Variants in ZBTB46 observed in about 807,000 individuals in gnomAD.
The protein encoded by ZBTB46 is zinc finger and BTB domain-containing protein 46.
ZBTB46 carries 8 observed loss-of-function variants against 44.1 expected under a neutral mutation model. The ratio of observed to expected loss-of-function variants is 0.18; its 90% CI spans 0.11 to 0.33. ZBTB46 has a LOEUF of 0.33. Ranked by LOEUF, ZBTB46 falls within the 10% of genes least tolerant of loss-of-function variation. The probability of loss-of-function intolerance (pLI) is 1.00; values close to 1 mark genes in which losing one functional copy is unlikely to be tolerated. For synonymous variants in ZBTB46, 409 were observed against 382.3 expected (o/e 1.07, Z -0.81); for missense variants, 651 against 847.7 (o/e 0.77, Z 2.88).
chr20:63,753,971 G>A (rs2092195642), intron 3 of ZBTB46, among the ~76,000 whole-genome samples: 1 of 152,210 alleles, frequency 6.6e-6, no homozygotes, highest in Non-Finnish European at 1.5e-5. Context: ...CCTGCAGGGA[G>A]GGTCTACTGA....
At chr20:63,768,077 G>A in intron 3 of ZBTB46, 2 of 985,448 alleles carry the variant, frequency 2.0e-6, no homozygotes, top group Non-Finnish European at 2.4e-6. Context: ...ACTCACCTGG[G>A]ATGTTGTCCA....
At chr20:63,807,823 C>T (rs1601515684) in intron 1 of ZBTB46, among the ~76,000 whole-genome samples, 1 of 152,288 alleles carries the variant, frequency 6.6e-6, no homozygotes, top group East Asian at 1.9e-4. Context: ...GCTCCCCCTC[C>T]GAGCGGGTCT....
At position 63,743,735 on chromosome 20, in the gene ZBTB46, C is replaced by T. The variant is rs1346441197; in HGVS notation, c.*3195G>A. On this transcript the variant is annotated 3_prime_UTR_variant, in exon 5 of 5. Coordinates refer to ENST00000245663, the MANE Select transcript of ZBTB46 (RefSeq NM_001369741.1). ...GCAAGGATGTCTAAGCTAATCCCGT[C>T]ACAGAAAGGAAACGCACAGGCGCCT... The T allele has an allele frequency of 2.6e-5, 4 of 152,414 alleles. No individual in the cohort carries two copies. The highest frequency in any genetic ancestry group is 2.6e-4 in the Admixed American group (4 of 15,282). The allele number at this position is 152,414 out of a possible 1,614,324, so 9.4% of individuals were successfully genotyped here.
chr20:63,756,427 A>G (rs998765736), intron 3 of ZBTB46, among the ~76,000 whole-genome samples: 12 of 152,216 alleles, frequency 7.9e-5, no homozygotes, highest in Non-Finnish European at 1.5e-4. Context: ...ATAATTTTCA[A>G]AAGACTGCAC....
intron 1 of ZBTB46, among the ~76,000 whole-genome samples, chr20:63,807,499 C>A (rs1401713130): frequency 6.6e-6 from 1 of 152,178 alleles, no homozygotes; most frequent in Non-Finnish European, 1.5e-5. Context: ...CGCACGCCAG[C>A]ATACCTGGCT....
chr20:63,752,755 C>T lies in ZBTB46; in HGVS notation c.1329G>A (p.Glu443=), dbSNP rs2092181598. 6.2e-7 allele frequency: 1 copy of T among 1,612,352 alleles called. No individual in the cohort carries two copies. The highest frequency in any genetic ancestry group is 1.7e-5 in the Admixed American group (1 of 59,982). ...CGCAGATCTCGCAGGGGTAGGGCCG[C>T]TCTCCCGTGTGCGAGCGCATGTGTC... The part of the protein sequence containing the change: ...LKRHMRSHTG[E]RPYPCEICGK... The change falls in exon 4 of 5, where the codon GAG becomes GAA. Residue 443 remains glutamate, a synonymous_variant. Coordinates refer to ENST00000245663, the MANE Select transcript of ZBTB46 (RefSeq NM_001369741.1). This position sits in a 1 kb window ranked among gnomAD's most constrained non-coding sequence, Gnocchi z 5.6.
At chr20:63,781,325 G>A (rs1014569044) in intron 2 of ZBTB46, among the ~76,000 whole-genome samples, 1 of 152,164 alleles carries the variant, frequency 6.6e-6, no homozygotes, top group Non-Finnish European at 1.5e-5. Context: ...CAGATGTGGA[G>A]CAGGTGCCCG....
At chr20:63,775,251 C>A in intron 3 of ZBTB46, 1 of 168,414 alleles carries the variant, frequency 5.9e-6, no homozygotes, top group Non-Finnish European at 1.3e-5. Flanking sequence ...GCAATCGGCT[C>A]GCAGCGGCCG....
chr20:63,759,857 GA>G, intron 3 of ZBTB46, among the ~76,000 whole-genome samples: 2 of 152,206 alleles, frequency 1.3e-5, no homozygotes, highest in South Asian at 4.2e-4. Flanking sequence ...GAAGGCTACT[GA>G]ATTTTATCAA....
chr20:63,813,205 T>C (rs1470069087), intron 1 of ZBTB46, among the ~76,000 whole-genome samples: 1 of 152,020 alleles, frequency 6.6e-6, no homozygotes, highest in Non-Finnish European at 1.5e-5. Flanking sequence ...TCCCAGCACT[T>C]TGGGAGGCTG....
At chr20:63,757,144 A>G (rs1253508306) in intron 3 of ZBTB46, among the ~76,000 whole-genome samples, 1 of 152,010 alleles carries the variant, frequency 6.6e-6, no homozygotes, top group Non-Finnish European at 1.5e-5. Flanking sequence ...TGGGGAGGGG[A>G]ACAGAATCTT....
chr20:63,831,536 G>A (rs1041433294), upstream of ZBTB46, among the ~76,000 whole-genome samples: 73 of 148,156 alleles, frequency 4.9e-4, no homozygotes, highest in Non-Finnish European at 1.0e-3. Flanking sequence ...GCGGAAGTGC[G>A]GGCTGGAGCT....
chr20:63,798,289 C>A (rs2092618204), intron 1 of ZBTB46, among the ~76,000 whole-genome samples: 1 of 151,992 alleles, frequency 6.6e-6, no homozygotes, highest in African/African-American at 2.4e-5. Context: ...TCAGGTTTGT[C>A]AAAGATCAGA....
At chr20:63,820,021 A>G (rs913000604) in intron 1 of ZBTB46, among the ~76,000 whole-genome samples, 1 of 152,238 alleles carries the variant, frequency 6.6e-6, no homozygotes, top group African/African-American at 2.4e-5. Flanking sequence ...AAAACATGCA[A>G]ACTCCCAGTG....
intron 1 of ZBTB46, chr20:63,791,025 G>A (rs767589375): frequency 3.1e-5 from 15 of 481,724 alleles, no homozygotes; most frequent in East Asian, 7.3e-5. Flanking sequence ...ACGTGTTTCC[G>A]TGCTCGAGGC....
chr20:63,769,311 C>T, intron 3 of ZBTB46: 3 of 985,426 alleles, frequency 3.0e-6, no homozygotes, highest in Non-Finnish European at 3.6e-6. Flanking sequence ...CAGAGCTCAT[C>T]CTGTGGCTCT....
intron 3 of ZBTB46, 65 bp downstream of exon 3, chr20:63,775,613 G>A (rs1376049014): frequency 2.7e-6 from 4 of 1,504,848 alleles, no homozygotes; most frequent in East Asian, 4.6e-5. Context: ...TCTTGGCCCG[G>A]GACCTGCAAC....
At chr20:63,769,145 G>A (rs993548895) in intron 3 of ZBTB46, 10 of 977,294 alleles carry the variant, frequency 1.0e-5, no homozygotes, top group East Asian at 1.1e-4. Context: ...GGAGGTGCCC[G>A]GGCTCATCTG....
At chr20:63,778,349 C>A (rs553990633) in intron 2 of ZBTB46, among the ~76,000 whole-genome samples, 43 of 152,304 alleles carry the variant, frequency 2.8e-4, no homozygotes, top group Non-Finnish European at 2.6e-4. Flanking sequence ...TATCAAAACA[C>A]CCCCAGAACA....
Sources: allele counts gnomAD v4.1 joint callset (sites outside exome capture counted in the v4.1 genomes callset), GRCh38; gene constraint gnomAD v4.1.1; non-coding constraint Gnocchi (gnomAD v3.1); transcripts MANE v1.5; gene names NCBI Gene and HGNC (gene_info 2026-07-23, HGNC 2026-07-21).